ZNF487: variants seen among roughly 807,000 people sequenced by gnomAD.
The protein encoded by ZNF487 is KRAB domain only 1.
A neutral mutation model predicts 3.0 loss-of-function variants in ZNF487; 4 were observed. That is an observed-to-expected ratio of 1.35 (90% CI 0.66 to 3.08). The LOEUF (loss-of-function observed/expected upper bound fraction) is 3.08. Ranked by LOEUF, ZNF487 falls within the 30% of genes most tolerant of loss-of-function variation. The pLI is 0.01. For synonymous variants in ZNF487, 55 were observed against 34.6 expected (o/e 1.59, Z -2.06); for missense variants, 146 against 98.7 (o/e 1.48, Z -2.03).
chr10:43,518,041 T>C, the ZNF487 span, among the ~76,000 whole-genome samples: 1 of 152,154 alleles, frequency 6.6e-6, no homozygotes, highest in Non-Finnish European at 1.5e-5. Flanking sequence ...CAAAAAATGA[T>C]ACTCTCACTA....
chr10:43,464,373 A>T (rs1840569276), intron 1 of ZNF487, among the ~76,000 whole-genome samples: 1 of 151,224 alleles, frequency 6.6e-6, no homozygotes, highest in Non-Finnish European at 1.5e-5. Flanking sequence ...TATTTTATTT[A>T]TTATTATTAT....
At chr10:43,483,389 C>T (rs1049654852), downstream of ZNF487, among the ~76,000 whole-genome samples, 15 of 150,912 alleles carry the variant, frequency 9.9e-5, no homozygotes, top group South Asian at 1.3e-3. Context: ...TACAGGCATG[C>T]GCCACCATGC....
intron 3 of ZNF487, among the ~76,000 whole-genome samples, chr10:43,476,599 G>A (rs1287614508): frequency 1.3e-5 from 2 of 152,198 alleles, no homozygotes. Context: ...CACCATGGCT[G>A]TGTTATGTTG....
chr10:43,496,855 G>C, the ZNF487 span, among the ~76,000 whole-genome samples: 1 of 152,006 alleles, frequency 6.6e-6, no homozygotes, highest in Non-Finnish European at 1.5e-5. Flanking sequence ...TTTTATTTTA[G>C]GTTCAGTGGG....
chr10:43,454,973 C>A, intron 1 of ZNF487, among the ~76,000 whole-genome samples: 1 of 140,364 alleles, frequency 7.1e-6, no homozygotes. Flanking sequence ...TTAAGGGATA[C>A]GAGGCTGTGT....
At chr10:43,492,444 TA>T in the ZNF487 span, among the ~76,000 whole-genome samples, 13 of 61,462 alleles carry the variant, frequency 2.1e-4, no homozygotes, top group African/African-American at 4.4e-4. Context: ...TTTATTTTAT[TA>T]TTTTATTTTA....
the ZNF487 span, among the ~76,000 whole-genome samples, chr10:43,501,387 AT>A: frequency 1.3e-5 from 2 of 152,050 alleles, no homozygotes; most frequent in African/African-American, 4.8e-5. Context: ...TATAAAAAAT[AT>A]TTTTCTTCAA....
chr10:43,442,731 C>T (rs1407125034), intron 1 of ZNF487, among the ~76,000 whole-genome samples: 1 of 152,140 alleles, frequency 6.6e-6, no homozygotes, highest in Non-Finnish European at 1.5e-5. Flanking sequence ...GCGTGAGACA[C>T]CGCGCCCAGC....
chr10:43,504,320 G>A, the ZNF487 span, among the ~76,000 whole-genome samples: 1 of 130,772 alleles, frequency 7.6e-6, no homozygotes, highest in African/African-American at 2.8e-5. Context: ...TTGAGGCGGA[G>A]TCTTGCACTG....
In ZNF487 at chr10:43,465,058, C is replaced by CT. The variant is rs1455103606; in HGVS notation, c.-93-10663_-93-10662insT. Among the ~76,000 whole-genome samples, 10 of 144,940 alleles carry CT rather than the reference C, an allele frequency of 6.9e-5. 2 individuals carry two copies. The highest frequency in any genetic ancestry group is 1.3e-4 in the Admixed American group (2 of 14,842). On this transcript the variant is annotated intron_variant, in intron 1 of 3. Coordinates refer to ENST00000437590, the MANE Select transcript of ZNF487 (RefSeq NM_001355444.3). ...GGCCGGGCGGGGGGCTGACCCCCCC[C>CT]ACCTCCCTCCCGGGGCGGCTGGCCG...
chr10:43,437,566 C>A (rs1839433234), intron 1 of ZNF487, among the ~76,000 whole-genome samples: 1 of 152,132 alleles, frequency 6.6e-6, no homozygotes. Flanking sequence ...GAGGTCTACA[C>A]ACACTTGCAA....
At chr10:43,512,777 C>T in the ZNF487 span, among the ~76,000 whole-genome samples, 9 of 152,310 alleles carry the variant, frequency 5.9e-5, no homozygotes, top group African/African-American at 2.2e-4. Flanking sequence ...AACTGACAGC[C>T]TTTCGGGTCA....
the ZNF487 span, among the ~76,000 whole-genome samples, chr10:43,519,709 G>A: frequency 9.2e-5 from 14 of 152,202 alleles, no homozygotes; most frequent in East Asian, 3.9e-4. Flanking sequence ...CTTGTGATCC[G>A]CCTATCTTGG....
chr10:43,460,541 A>C (rs1840394435), intron 1 of ZNF487, among the ~76,000 whole-genome samples: 1 of 149,478 alleles, frequency 6.7e-6, no homozygotes, highest in Admixed American at 6.7e-5. Context: ...ATGCCCAGCT[A>C]ATTTTTTGTA....
chr10:43,461,109 C>G (rs372646555), intron 1 of ZNF487, among the ~76,000 whole-genome samples: 2 of 151,762 alleles, frequency 1.3e-5, no homozygotes, highest in South Asian at 2.1e-4. Context: ...CCAGTTCAAG[C>G]GATTCCCCTG....
the ZNF487 span, among the ~76,000 whole-genome samples, chr10:43,498,075 T>TTTTATATATA: frequency 8.6e-5 from 3 of 35,024 alleles, no homozygotes; most frequent in African/African-American, 3.1e-4. Flanking sequence ...ATTTGGTATT[T>TTTTATATATA]TATATATATA....
At chr10:43,487,343 A>G (rs1252956054), downstream of ZNF487, among the ~76,000 whole-genome samples, 3 of 151,504 alleles carry the variant, frequency 2.0e-5, no homozygotes, top group East Asian at 5.9e-4. Flanking sequence ...GTTCCATCGT[A>G]TTAGCCAGGA....
chr10:43,467,818 G>GAA lies in ZNF487; in HGVS notation c.-93-7890_-93-7889dup, dbSNP rs548891339. 2.6e-3 allele frequency among the ~76,000 whole-genome samples: 322 copies of GAA among 124,842 alleles called. 1 individual carries two copies. The highest frequency in any genetic ancestry group is 0.021 in the Middle Eastern group (5 of 242). 81.9% of individuals were successfully genotyped at this position (124,842 alleles called of 152,430 possible). A position where few individuals can be genotyped will look rare whatever the true frequency, so the allele number is the denominator to read the frequency against. ...GGCAACAGAATGAGACTCTATCTCAGAAAAAAAAAAAAAAGAAAAGAAAAA... is the reference window on the plus strand; with the variant it reads ...GGCAACAGAATGAGACTCTATCTCAGAAAAAAAAAAAAAAAAGAAAAGAAAAA... On this transcript the variant is annotated intron_variant, in intron 1 of 3. Coordinates refer to ENST00000437590, the MANE Select transcript of ZNF487 (RefSeq NM_001355444.3).
chr10:43,498,094 TATA>T, the ZNF487 span, among the ~76,000 whole-genome samples: 22 of 13,084 alleles, frequency 1.7e-3, 1 homozygote, highest in South Asian at 3.4e-3. Context: ...TATATATATA[TATA>T]TATTTTTTTT....
Sources: gnomAD v4.1 joint callset for allele counts (sites outside exome capture counted in the v4.1 genomes callset) on GRCh38, gnomAD v4.1.1 for gene constraint, MANE v1.5 for transcripts, NCBI Gene and HGNC (gene_info 2026-07-23, HGNC 2026-07-21) for gene names.